The following KPNA3 variants were observed in gnomAD, a reference collection of about 807,000 sequenced individuals.
KPNA3 encodes karyopherin subunit alpha 3.
Under a neutral mutation model 73.8 loss-of-function variants are expected in KPNA3, and 13 were observed. The observed-to-expected ratio is 0.18, with a 90% CI of 0.11 to 0.28. The LOEUF (loss-of-function observed/expected upper bound fraction) is 0.28, where lower values mean the gene tolerates loss of function less well. Ranked by LOEUF, KPNA3 falls within the 10% of genes least tolerant of loss-of-function variation. The probability of loss-of-function intolerance (pLI) is 1.00; values close to 1 mark genes in which losing one functional copy is unlikely to be tolerated. For missense variants in KPNA3, 360 were observed against 618.1 expected, an observed-to-expected ratio of 0.58 and a Z score of 4.43; for synonymous variants, 186 against 206.9, an observed-to-expected ratio of 0.90 and a Z score of 0.87.
At chr13:49,730,762 CT>C (rs1380879633) in intron 6 of KPNA3, among the ~76,000 whole-genome samples, 65 of 82,320 alleles carry the variant, frequency 7.9e-4, no homozygotes, top group Admixed American at 2.9e-3. Context: ...AATGCTATCC[CT>C]CCCCCCTCCC....
At chr13:49,790,163 G>A (rs1172319018) in intron 1 of KPNA3, among the ~76,000 whole-genome samples, 1 of 152,184 alleles carries the variant, frequency 6.6e-6, no homozygotes, top group Non-Finnish European at 1.5e-5. Flanking sequence ...TAAGCACACT[G>A]AGGTTTTTTA....
intron 1 of KPNA3, among the ~76,000 whole-genome samples, chr13:49,786,698 T>C (rs964919265): frequency 6.6e-6 from 1 of 152,168 alleles, no homozygotes; most frequent in Non-Finnish European, 1.5e-5. Context: ...GCATCTCCAG[T>C]ACTTTATCAC....
chr13:49,737,214 A>G (rs967317180), intron 2 of KPNA3, among the ~76,000 whole-genome samples: 7 of 152,200 alleles, frequency 4.6e-5, no homozygotes, highest in Non-Finnish European at 5.9e-5. Flanking sequence ...TCTGAGATCA[A>G]TGTCCAGGAT....
chr13:49,789,404 T>C (rs550505386), intron 1 of KPNA3, among the ~76,000 whole-genome samples: 1 of 152,260 alleles, frequency 6.6e-6, no homozygotes, highest in East Asian at 1.9e-4. Flanking sequence ...ACAAAGAAAT[T>C]TTCTTCCTCA....
At chr13:49,717,440 GAAAAAAA>G (rs61581557) in intron 10 of KPNA3, among the ~76,000 whole-genome samples, 1 of 126,930 alleles carries the variant, frequency 7.9e-6, no homozygotes, top group South Asian at 2.5e-4. Flanking sequence ...GGAAAAAAAA[GAAAAAAA>G]AAAAAAAAAG....
chr13:49,710,319 A>C (rs1049419227), intron 11 of KPNA3, among the ~76,000 whole-genome samples: 2 of 152,146 alleles, frequency 1.3e-5, no homozygotes, highest in Non-Finnish European at 2.9e-5. Flanking sequence ...TCCACCTAGA[A>C]AGTCACTTTG....
At chr13:49,790,155 A>C (rs1955020609) in intron 1 of KPNA3, among the ~76,000 whole-genome samples, 1 of 152,220 alleles carries the variant, frequency 6.6e-6, no homozygotes, top group African/African-American at 2.4e-5. Flanking sequence ...AGGCTACATA[A>C]GCACACTGAG....
chr13:49,761,042 A>G (rs1432986635), intron 1 of KPNA3, among the ~76,000 whole-genome samples: 1 of 152,220 alleles, frequency 6.6e-6, no homozygotes, highest in Non-Finnish European at 1.5e-5. Flanking sequence ...ACATATTCTT[A>G]ATAACAAAAA....
intron 1 of KPNA3, among the ~76,000 whole-genome samples, chr13:49,775,510 G>A (rs1025916785): frequency 1.3e-5 from 2 of 152,022 alleles, no homozygotes; most frequent in African/African-American, 4.8e-5. Context: ...GCTGTACACT[G>A]TCACAAACAA....
intron 1 of KPNA3, among the ~76,000 whole-genome samples, chr13:49,760,414 C>CAAAAAAA (rs1365099527): frequency 5.0e-5 from 3 of 60,148 alleles, no homozygotes; most frequent in East Asian, 4.6e-4. Flanking sequence ...GATCCCATCT[C>CAAAAAAA]AAAAAAAAAA....
At chr13:49,753,552 G>A (rs1954684560) in intron 1 of KPNA3, among the ~76,000 whole-genome samples, 2 of 152,206 alleles carry the variant, frequency 1.3e-5, no homozygotes, top group South Asian at 4.2e-4. Context: ...TTATTTACCT[G>A]TAGAACTAAG....
chr13:49,727,358 G>A (rs1954419043), intron 6 of KPNA3, among the ~76,000 whole-genome samples: 1 of 150,338 alleles, frequency 6.7e-6, no homozygotes, highest in African/African-American at 2.5e-5. Flanking sequence ...TGAGGCAGGA[G>A]AATCCCTTGA....
At chr13:49,789,699 T>C (rs1028512860) in intron 1 of KPNA3, among the ~76,000 whole-genome samples, 1 of 152,240 alleles carries the variant, frequency 6.6e-6, no homozygotes. Context: ...CTCTTAGATA[T>C]GCCTAAATCC....
At chr13:49,761,545 A>G (rs1365101046) in intron 1 of KPNA3, among the ~76,000 whole-genome samples, 1 of 152,228 alleles carries the variant, frequency 6.6e-6, no homozygotes, top group Non-Finnish European at 1.5e-5. Context: ...TCAGTGCTCA[A>G]TGTTGCCCAG....
At chr13:49,709,879 A>C (rs1178867652) in intron 11 of KPNA3, among the ~76,000 whole-genome samples, 179 bp from the exon 12 acceptor site, 1 of 147,994 alleles carries the variant, frequency 6.8e-6, no homozygotes, top group African/African-American at 2.4e-5. Context: ...CTTGTGAAAA[A>C]CTGAAACTTT....
At chr13:49,781,535 T>A (rs561538470) in intron 1 of KPNA3, among the ~76,000 whole-genome samples, 18 of 152,332 alleles carry the variant, frequency 1.2e-4, no homozygotes, top group Admixed American at 3.9e-4. Context: ...TGGTTATCAT[T>A]ATTTTCATTG....
chr13:49,722,964 CTTATACTTTAAA>C (rs1459369291), intron 7 of KPNA3, among the ~76,000 whole-genome samples: 2 of 151,482 alleles, frequency 1.3e-5, no homozygotes, highest in African/African-American at 4.8e-5. Flanking sequence ...TCAGGTCTAT[CTTATACTTTAAA>C]ATAATTTCTC....
chr13:49,700,558 A>G lies in KPNA3; in HGVS notation c.*1242T>C, dbSNP rs2137526050. On this transcript the variant is annotated 3_prime_UTR_variant, in exon 17 of 17. Coordinates refer to ENST00000261667, the MANE Select transcript of KPNA3 (RefSeq NM_002267.4). ...ATCAGGTTTATGTTAAATAACTGCA[A>G]ATTACTCCTCTACACAGATCCCTGT... 1 of 152,620 alleles carries G rather than the reference A, an allele frequency of 6.6e-6. No homozygotes were observed. Among genetic ancestry groups the G allele is most frequent in the East Asian group, 1.9e-4 (1 of 5,192 alleles). The allele number at this position is 152,620 out of a possible 1,614,324, so 9.5% of individuals were successfully genotyped here.
chr13:49,741,871 T>C (rs558885877), intron 2 of KPNA3, among the ~76,000 whole-genome samples: 3 of 152,382 alleles, frequency 2.0e-5, no homozygotes, highest in African/African-American at 4.8e-5. Flanking sequence ...ATAGTCTCTT[T>C]TGCTGTGCAG....
Sources: gnomAD v4.1 joint callset for allele counts (sites outside exome capture counted in the v4.1 genomes callset) on GRCh38, gnomAD v4.1.1 for gene constraint, MANE v1.5 for transcripts, NCBI Gene and HGNC (gene_info 2026-07-23, HGNC 2026-07-21) for gene names.